PLEKHA7: variants seen among roughly 807,000 people sequenced by gnomAD.
PLEKHA7 encodes pleckstrin homology domain containing A7, also known as pleckstrin homology domain-containing family A member 7.
In PLEKHA7, 104 loss-of-function variants were observed where a neutral mutation model predicts 170.0. That is an observed-to-expected ratio of 0.61 (90% CI 0.52 to 0.72). The LOEUF (loss-of-function observed/expected upper bound fraction) is 0.72. Ranked by LOEUF, PLEKHA7 falls within the 30% of genes least tolerant of loss-of-function variation. PLEKHA7 has a pLI of 0.00. For synonymous variants in PLEKHA7, 648 were observed against 660.8 expected, an observed-to-expected ratio of 0.98 and a Z score of 0.30; for missense variants, 1,615 against 1,671.7, an observed-to-expected ratio of 0.97 and a Z score of 0.59.
chr11:16,906,554 C>T (rs1460194755), intron 3 of PLEKHA7, among the ~76,000 whole-genome samples: 3 of 138,750 alleles, frequency 2.2e-5, no homozygotes, highest in South Asian at 2.4e-4. Flanking sequence ...AGCTCCTAAC[C>T]GCGAGTGATC....
At chr11:16,788,682 C>T (rs1391248675) in intron 23 of PLEKHA7, 3 of 263,018 alleles carry the variant, frequency 1.1e-5, no homozygotes, top group Non-Finnish European at 2.2e-5. Context: ...CACCCTCACA[C>T]AGCATCTGCT....
rs573823475 is a variant in PLEKHA7, at chr11:16,900,547, T to A, written c.222-29365A>T. ...TTCTTCCTTTTGCATTTATTCAACT[T>A]GACATAAGCACTCATCACTGCCTTC... On this transcript the variant is annotated intron_variant, in intron 3 of 26. Transcript: ENST00000531066. Among the ~76,000 whole-genome samples, 3 of 152,334 alleles carry A rather than the reference T, an allele frequency of 2.0e-5. No homozygotes were observed. The East Asian group carries it at 5.8e-4, about 29-fold the overall frequency.
At chr11:17,014,084 C>T in intron 2 of PLEKHA7, 38 bp from the exon 3 acceptor site, 2 of 1,582,042 alleles carry the variant, frequency 1.3e-6, no homozygotes, top group Non-Finnish European at 8.6e-7. Context: ...AAACTTGGGC[C>T]GCCGCTGCGC....
intron 10 of PLEKHA7, among the ~76,000 whole-genome samples, chr11:16,818,128 T>A (rs968317020): frequency 6.6e-6 from 1 of 152,228 alleles, no homozygotes; most frequent in African/African-American, 2.4e-5. Context: ...CCTCCACACC[T>A]TAGCAACATC....
At chr11:16,866,315 G>T (rs1288434632) in intron 4 of PLEKHA7, among the ~76,000 whole-genome samples, 3 of 150,484 alleles carry the variant, frequency 2.0e-5, no homozygotes, top group Non-Finnish European at 3.0e-5. Flanking sequence ...GAGCAGGCTG[G>T]GCACAGTAGC....
chr11:16,847,485 G>T (rs979322019), intron 8 of PLEKHA7, among the ~76,000 whole-genome samples: 1 of 152,128 alleles, frequency 6.6e-6, no homozygotes, highest in Non-Finnish European at 1.5e-5. Flanking sequence ...CAGAAGACAG[G>T]AGTGGCTAAA....
intron 3 of PLEKHA7, among the ~76,000 whole-genome samples, chr11:16,902,261 G>T (rs1291466258): frequency 1.3e-5 from 2 of 152,136 alleles, no homozygotes; most frequent in East Asian, 3.9e-4. Flanking sequence ...ACGGACTTTG[G>T]GTTTTCACTT....
intron 9 of PLEKHA7, among the ~76,000 whole-genome samples, chr11:16,839,295 G>A (rs2135221152): frequency 6.6e-6 from 1 of 151,962 alleles, no homozygotes; most frequent in South Asian, 2.1e-4. Context: ...TAAATGCATA[G>A]AAAATAGTTT....
At chr11:16,794,877 G>A (rs773034266) in intron 18 of PLEKHA7, 33 bp downstream of exon 18, 1 of 1,534,168 alleles carries the variant, frequency 6.5e-7, no homozygotes. Context: ...CCCCCAATCA[G>A]ATCCCCCACA....
chr11:16,899,904 T>C (rs954573174), intron 3 of PLEKHA7, among the ~76,000 whole-genome samples: 1 of 152,230 alleles, frequency 6.6e-6, no homozygotes, highest in Non-Finnish European at 1.5e-5. Flanking sequence ...GTTCTTGGCC[T>C]GCTCTTACTG....
chr11:16,941,270 C>G (rs1193669483), intron 3 of PLEKHA7, among the ~76,000 whole-genome samples: 1 of 152,190 alleles, frequency 6.6e-6, no homozygotes, highest in Non-Finnish European at 1.5e-5. Context: ...CAGGGCCCAT[C>G]CCTTTATAAT....
In PLEKHA7 at chr11:16,816,267, G is replaced by C; in HGVS notation, c.1867-3C>G. 1 of 1,610,400 alleles carries C rather than the reference G, an allele frequency of 6.2e-7. No individual in the cohort carries two copies. Among genetic ancestry groups the C allele is most frequent in the Non-Finnish European group, 8.5e-7 (1 of 1,176,926 alleles). On this transcript the variant is annotated splice_polypyrimidine_tract_variant and splice_region_variant and intron_variant, in intron 11 of 26. Transcript: ENST00000531066. Reference sequence around the variant, plus strand: ...CGTCGGTCCACATGAGATGAGTTCTGCAAGTGGGGAGACAAGAAGTCACAC... The same window carrying C: ...CGTCGGTCCACATGAGATGAGTTCTCCAAGTGGGGAGACAAGAAGTCACAC...
In PLEKHA7 at chr11:16,786,401, A is replaced by T. The variant is rs1849396970; in HGVS notation, c.3358-14T>A. 1 of 1,535,974 alleles carries T rather than the reference A, an allele frequency of 6.5e-7. No individual in the cohort carries two copies. The highest frequency in any genetic ancestry group is 1.4e-5 in the African/African-American group (1 of 73,046). ...CTCACGCTTCCACTGGCAACAGAACAAGAGGTTAAACGTAGTCGCTTCCTG... is the reference window on the plus strand; with the variant it reads ...CTCACGCTTCCACTGGCAACAGAACTAGAGGTTAAACGTAGTCGCTTCCTG... On this transcript the variant is annotated splice_polypyrimidine_tract_variant and intron_variant, in intron 23 of 26. Coordinates refer to ENST00000531066, the MANE Select transcript of PLEKHA7 (RefSeq NM_001329630.2).
chr11:16,804,813 A>G (rs1848836998), intron 13 of PLEKHA7, among the ~76,000 whole-genome samples: 2 of 152,242 alleles, frequency 1.3e-5, no homozygotes, highest in Non-Finnish European at 2.9e-5. Context: ...ATGTGTACAT[A>G]CACGTATACA....
At chr11:17,007,398 C>T (rs1280906576) in intron 3 of PLEKHA7, among the ~76,000 whole-genome samples, 2 of 152,044 alleles carry the variant, frequency 1.3e-5, no homozygotes, top group Non-Finnish European at 2.9e-5. Flanking sequence ...TCTTGGCTCA[C>T]CGCAACCTTC....
intron 3 of PLEKHA7, among the ~76,000 whole-genome samples, chr11:16,970,989 A>G (rs1862676591): frequency 1.3e-5 from 2 of 152,236 alleles, no homozygotes; most frequent in Non-Finnish European, 2.9e-5. Context: ...TGCTTTATCA[A>G]CTGTAAAGAG....
Position 16,791,760 on chromosome 11 carries a change from C to T in PLEKHA7, c.2746-561G>A. On this transcript the variant is annotated intron_variant, in intron 19 of 26. Transcript: ENST00000531066. The surrounding 1 kb of genome is among the most constrained non-coding windows in gnomAD (Gnocchi z 4.5). The stretch of plus-strand genomic sequence containing the variant: ...TTACAAAATATTTCCTCCTTCCTGA[C>T]TCAGACAGAACAGGCGGTCAGGATG... 4.5e-6 allele frequency: 2 copies of T among 440,690 alleles called. 1 individual carries two copies. Among genetic ancestry groups the T allele is most frequent in the South Asian group, 3.3e-5 (2 of 61,280 alleles). 27.3% of individuals were successfully genotyped at this position (440,690 alleles called of 1,614,324 possible). A position where few individuals can be genotyped will look rare whatever the true frequency, so the allele number is the denominator to read the frequency against.
chr11:16,981,514 C>G (rs938813811), intron 3 of PLEKHA7, among the ~76,000 whole-genome samples: 3 of 152,132 alleles, frequency 2.0e-5, no homozygotes, highest in African/African-American at 7.2e-5. Context: ...CAGGATATCT[C>G]CCAGCCCCTC....
At chr11:16,904,034 C>T (rs1272028486) in intron 3 of PLEKHA7, among the ~76,000 whole-genome samples, 1 of 152,216 alleles carries the variant, frequency 6.6e-6, no homozygotes, top group Non-Finnish European at 1.5e-5. Context: ...AGATCTTTCA[C>T]AGCCAAAATT....
Sources: allele counts gnomAD v4.1 joint callset (sites outside exome capture counted in the v4.1 genomes callset), GRCh38; gene constraint gnomAD v4.1.1; non-coding constraint Gnocchi (gnomAD v3.1); transcripts MANE v1.5; gene names NCBI Gene and HGNC (gene_info 2026-07-23, HGNC 2026-07-21).